The following NAA15 variants were observed in gnomAD, a reference collection of about 807,000 sequenced individuals.
NAA15 encodes the protein N-terminal acetyltransferase.
NAA15 carries 34 observed loss-of-function variants against 114.0 expected under a neutral mutation model. The ratio of observed to expected loss-of-function variants is 0.30; its 90% CI spans 0.23 to 0.40. NAA15 has a LOEUF of 0.40. NAA15 is among the 10% of genes least tolerant of loss of function. The pLI, the probability that NAA15 is intolerant of heterozygous loss-of-function variation, is 1.00. For synonymous variants in NAA15, 340 were observed against 338.0 expected, an observed-to-expected ratio of 1.01 and a Z score of -0.06; for missense variants, 658 against 1,004.5, an observed-to-expected ratio of 0.66 and a Z score of 4.66.
At chr4:139,331,617 ATTTTT>A (rs34467609) in intron 1 of NAA15, among the ~76,000 whole-genome samples, 9 of 127,864 alleles carry the variant, frequency 7.0e-5, no homozygotes, top group African/African-American at 2.0e-4. Flanking sequence ...TGCCCGGCTA[ATTTTT>A]TTTTTTTTTT....
chr4:139,329,281 A>T (rs571815083), intron 1 of NAA15, among the ~76,000 whole-genome samples: 2 of 152,046 alleles, frequency 1.3e-5, no homozygotes, highest in African/African-American at 4.8e-5. Context: ...TTTTGAGCAC[A>T]TTTATAATAG....
At chr4:139,378,930 TTATC>T in intron 17 of NAA15, 76 bp downstream of exon 17, 2 of 907,458 alleles carry the variant, frequency 2.2e-6, no homozygotes, top group Non-Finnish European at 3.3e-6. Flanking sequence ...CTGTACAAGT[TTATC>T]ATAAACCAAA....
At chr4:139,340,038 T>C (rs1747330111) in intron 3 of NAA15, among the ~76,000 whole-genome samples, 1 of 152,190 alleles carries the variant, frequency 6.6e-6, no homozygotes, top group South Asian at 2.1e-4. Flanking sequence ...TAAGAAGTTT[T>C]AGGCTGGGTT....
intron 6 of NAA15, among the ~76,000 whole-genome samples, chr4:139,348,942 A>G (rs1453736936): frequency 2.0e-5 from 3 of 152,236 alleles, no homozygotes; most frequent in Non-Finnish European, 4.4e-5. Flanking sequence ...AGTGAGACAG[A>G]AAGAAAAGAC....
rs759258051 is a variant in NAA15, at chr4:139,305,260, A to C, written c.54+3429A>C. Among the ~76,000 whole-genome samples the C allele has an allele frequency of 7.9e-5, 12 of 152,336 alleles. No individual in the cohort carries two copies. The South Asian group carries it at 1.7e-3, about 21-fold the overall frequency. Reference sequence around the variant, plus strand: ...AAATCACAGTGCTGAAGATCTATTGATAAGTTATATGTGAGAGAAATGTGG... The same window carrying C: ...AAATCACAGTGCTGAAGATCTATTGCTAAGTTATATGTGAGAGAAATGTGG... On this transcript the variant is annotated intron_variant, in intron 1 of 19. Transcript: ENST00000296543.
At chr4:139,381,492 G>A (rs1277631445) in intron 17 of NAA15, among the ~76,000 whole-genome samples, 4 of 151,758 alleles carry the variant, frequency 2.6e-5, no homozygotes, top group Non-Finnish European at 4.4e-5. Context: ...TTATACTTAT[G>A]TATGTCTCCT....
intron 1 of NAA15, among the ~76,000 whole-genome samples, chr4:139,315,364 C>G (rs1746376220): frequency 6.6e-6 from 1 of 151,762 alleles, no homozygotes; most frequent in Non-Finnish European, 1.5e-5. Context: ...TACAAAAATA[C>G]AAAAATTAGC....
intron 1 of NAA15, among the ~76,000 whole-genome samples, chr4:139,328,546 CCTTTTCTTTTTCTTTTTCTTT>C (rs1467370910): frequency 1.3e-5 from 2 of 149,974 alleles, no homozygotes; most frequent in African/African-American, 4.9e-5. Context: ...TTTTCCTTTT[CCTTTTCTTTTTCTTTTTCTTT>C]CTTTTCTTTT....
chr4:139,351,314 G>A (rs1332885683), intron 8 of NAA15, 28 bp downstream of exon 8: 4 of 1,455,010 alleles, frequency 2.7e-6, no homozygotes, highest in Non-Finnish European at 3.8e-6. Context: ...CAAAGGAATA[G>A]AAATGCTTTT....
chr4:139,334,547 A>G (rs1747134043), intron 2 of NAA15, among the ~76,000 whole-genome samples: 1 of 152,242 alleles, frequency 6.6e-6, no homozygotes, highest in Admixed American at 6.5e-5. Flanking sequence ...TGAGCTGTAT[A>G]AATTGTATGC....
chr4:139,337,385 C>T (rs1042340361), intron 3 of NAA15, among the ~76,000 whole-genome samples: 1 of 152,140 alleles, frequency 6.6e-6, no homozygotes, highest in South Asian at 2.1e-4. Flanking sequence ...GGAGTATAGG[C>T]TTAGAGTGTG....
chr4:139,312,861 G>A (rs1038567456), intron 1 of NAA15, among the ~76,000 whole-genome samples: 11 of 151,580 alleles, frequency 7.3e-5, no homozygotes, highest in Admixed American at 3.3e-4. Context: ...GAAAAAAAAA[G>A]TAAAATAAAA....
rs1748405933 is a variant in NAA15 at position 139,370,485 on chromosome 4, G to T, written c.1947+81G>T. 3.7e-6 allele frequency: 5 copies of T among 1,340,922 alleles called. No individual in the cohort carries two copies. The East Asian group carries it at 1.3e-4, about 34-fold the overall frequency. 83.1% of individuals were successfully genotyped at this position (1,340,922 alleles called of 1,614,324 possible). On this transcript the variant is annotated intron_variant, in intron 15 of 19. Coordinates refer to ENST00000296543, the MANE Select transcript of NAA15 (RefSeq NM_057175.5). ...CATTTTTATACTGTCTTATTTGACA[G>T]TATATAACCTTATGTGATATAGGTT...
chr4:139,325,010 T>G lies in NAA15; in HGVS notation c.55-9164T>G, dbSNP rs927004051. On this transcript the variant is annotated intron_variant, in intron 1 of 19. Coordinates refer to ENST00000296543, the MANE Select transcript of NAA15 (RefSeq NM_057175.5). ...TCAATAAGGACATAGCTGAATTTCA[T>G]TAATTGAGAACATAATCATTAGGAT... 2.6e-5 allele frequency among the ~76,000 whole-genome samples: 4 copies of G among 152,334 alleles called. No individual in the cohort carries two copies. In the South Asian group the frequency reaches 8.3e-4, roughly 32 times the overall value.
chr4:139,358,631 A>G (rs962508068), intron 11 of NAA15, among the ~76,000 whole-genome samples: 14 of 152,210 alleles, frequency 9.2e-5, no homozygotes, highest in Non-Finnish European at 1.9e-4. Flanking sequence ...TACATGTGCC[A>G]GGAAGCACTT....
intron 1 of NAA15, 53 bp downstream of exon 1, chr4:139,301,884 C>A (rs933846839): frequency 1.2e-5 from 19 of 1,538,906 alleles, no homozygotes; most frequent in Non-Finnish European, 1.6e-5. Flanking sequence ...GGTAACCGGG[C>A]CTGTCACCCC....
At chr4:139,303,085 C>G (rs1344133604) in intron 1 of NAA15, among the ~76,000 whole-genome samples, 2 of 152,182 alleles carry the variant, frequency 1.3e-5, no homozygotes, top group Admixed American at 1.3e-4. Context: ...TTTGAACTAA[C>G]TTTGATTTTA....
chr4:139,378,071 TAGG>T, intron 16 of NAA15, among the ~76,000 whole-genome samples: 1 of 152,112 alleles, frequency 6.6e-6, no homozygotes, highest in East Asian at 1.9e-4. Flanking sequence ...GAAAGAGCAT[TAGG>T]AGAAGAGACT....
intron 10 of NAA15, 67 bp from the exon 11 acceptor site, chr4:139,357,319 C>A: frequency 2.2e-6 from 3 of 1,384,510 alleles, no homozygotes; most frequent in Non-Finnish European, 3.0e-6. Context: ...AACATAGGGA[C>A]CATTTTGGGG....
Sources: gnomAD v4.1 joint callset for allele counts (sites outside exome capture counted in the v4.1 genomes callset) on GRCh38, gnomAD v4.1.1 for gene constraint, MANE v1.5 for transcripts, NCBI Gene and HGNC (gene_info 2026-07-23, HGNC 2026-07-21) for gene names.